EPM2A: variants seen among roughly 807,000 people sequenced by gnomAD.
The protein encoded by EPM2A is laforin.
Under a neutral mutation model 26.5 loss-of-function variants are expected in EPM2A, and 21 were observed. That is an observed-to-expected ratio of 0.79 (90% CI 0.56 to 1.14). EPM2A has a LOEUF of 1.14. EPM2A is among the 50% of genes most tolerant of loss of function. The probability of loss-of-function intolerance (pLI) is 0.00; values close to 1 mark genes in which losing one functional copy is unlikely to be tolerated. For synonymous variants in EPM2A, 217 were observed against 177.6 expected, an observed-to-expected ratio of 1.22 and a Z score of -1.76; for missense variants, 458 against 440.8, an observed-to-expected ratio of 1.04 and a Z score of -0.35.
At chr6:145,407,515 G>T (rs1437827485) in intron 4 of EPM2A, among the ~76,000 whole-genome samples, 4 of 152,086 alleles carry the variant, frequency 2.6e-5, no homozygotes, top group African/African-American at 9.7e-5. Context: ...TGCAAGTTCT[G>T]CACACCTATG....
chr6:145,650,035 A>T (rs1777764612), intron 2 of EPM2A, among the ~76,000 whole-genome samples: 1 of 152,138 alleles, frequency 6.6e-6, no homozygotes, highest in Non-Finnish European at 1.5e-5. Flanking sequence ...ACAAAGAGCA[A>T]GTATCTATGG....
chr6:145,635,692 T>C, intron 2 of EPM2A: 1 of 561,568 alleles, frequency 1.8e-6, no homozygotes, highest in Non-Finnish European at 3.2e-6. Context: ...GTATTTCAAT[T>C]AACTAGAACG....
chr6:145,638,028 A>G (rs904790089), intron 2 of EPM2A: 2 of 152,236 alleles, frequency 1.3e-5, no homozygotes, highest in African/African-American at 4.8e-5. Context: ...AGAAACTATT[A>G]TAAGACAGTA....
At chr6:145,429,733 A>C (rs544869873) in intron 4 of EPM2A, among the ~76,000 whole-genome samples, 207 of 152,290 alleles carry the variant, frequency 1.4e-3, no homozygotes, top group African/African-American at 4.7e-3. Context: ...ACTTTTTTTA[A>C]AATTAGGAGA....
chr6:145,416,618 T>C (rs1399057831), intron 4 of EPM2A, among the ~76,000 whole-genome samples: 1 of 152,182 alleles, frequency 6.6e-6, no homozygotes, highest in Non-Finnish European at 1.5e-5. Context: ...GTTGCCTCTA[T>C]AGGAACAGTT....
chr6:145,494,427 A>G (rs1319324113), intron 4 of EPM2A, among the ~76,000 whole-genome samples: 2 of 151,916 alleles, frequency 1.3e-5, no homozygotes, highest in East Asian at 1.9e-4. Context: ...TTTTTTCTCA[A>G]AGAATAAGCT....
chr6:145,716,866 A>G (rs1402128799), intron 1 of EPM2A, among the ~76,000 whole-genome samples: 2 of 152,176 alleles, frequency 1.3e-5, no homozygotes, highest in Non-Finnish European at 2.9e-5. Context: ...TTCAGATCAG[A>G]TTTTTAAAAA....
At chr6:145,499,423 T>C (rs1259814800), downstream of EPM2A, among the ~76,000 whole-genome samples, 1 of 152,256 alleles carries the variant, frequency 6.6e-6, no homozygotes, top group Non-Finnish European at 1.5e-5. Context: ...TACTTCTACA[T>C]ACTCTCATAC....
intron 2 of EPM2A, among the ~76,000 whole-genome samples, chr6:145,515,218 G>A (rs964150331): frequency 6.6e-6 from 1 of 152,146 alleles, no homozygotes; most frequent in Non-Finnish European, 1.5e-5. Flanking sequence ...TTATCATGAC[G>A]TCTCTAGAAC....
chr6:145,719,089 A>C (rs1251190107), intron 1 of EPM2A, among the ~76,000 whole-genome samples: 1 of 152,150 alleles, frequency 6.6e-6, no homozygotes, highest in East Asian at 1.9e-4. Context: ...CTAGAACTAG[A>C]AATACCATTT....
intron 1 of EPM2A, among the ~76,000 whole-genome samples, chr6:145,692,594 T>C (rs1291001901): frequency 6.6e-6 from 1 of 152,134 alleles, no homozygotes; most frequent in Non-Finnish European, 1.5e-5. Context: ...TTAATTTTTG[T>C]ATATGGTATA....
intron 4 of EPM2A, among the ~76,000 whole-genome samples, chr6:145,410,618 G>A (rs1778630939): frequency 1.3e-5 from 2 of 152,222 alleles, no homozygotes; most frequent in Admixed American, 6.5e-5. Context: ...ACAAGGGCTA[G>A]TTATGGACAA....
chr6:145,735,097 G>T, intron 1 of EPM2A, 101 bp downstream of exon 1: 1 of 787,804 alleles, frequency 1.3e-6, no homozygotes, highest in Non-Finnish European at 1.8e-6. Context: ...CGGGACGCGC[G>T]CCGCCGGGGC....
At chr6:145,617,934 T>C (rs913547001) in intron 2 of EPM2A, among the ~76,000 whole-genome samples, 3 of 152,054 alleles carry the variant, frequency 2.0e-5, no homozygotes, top group Non-Finnish European at 4.4e-5. Context: ...CAAAGCAAGA[T>C]CCTGTCTCAA....
intron 2 of EPM2A, among the ~76,000 whole-genome samples, chr6:145,511,598 T>C (rs1163473255): frequency 6.6e-6 from 1 of 152,166 alleles, no homozygotes; most frequent in Non-Finnish European, 1.5e-5. Context: ...AGACGGAATG[T>C]ATCTCAAAAT....
chr6:145,581,340 G>A (rs1313802359), intron 2 of EPM2A, among the ~76,000 whole-genome samples: 1 of 151,916 alleles, frequency 6.6e-6, no homozygotes. Context: ...TGTTTTTAAT[G>A]GGGTTGTCTT....
Position 145,405,547 on chromosome 6 carries a change from G to C in EPM2A, c.556-21450C>G, listed in dbSNP as rs958613019. Among the ~76,000 whole-genome samples the C allele has an allele frequency of 2.0e-5, 3 of 152,180 alleles. No homozygotes were observed. In the South Asian group the frequency reaches 6.2e-4, roughly 32 times the overall value. ...GATAAAGCACTGTACCATGTAGACT[G>C]TTCTTTCTAAATAAGTTTTAAACTC... On this transcript the variant is annotated intron_variant, in intron 4 of 4. Coordinates refer to the EPM2A transcript ENST00000638717.
intron 4 of EPM2A, among the ~76,000 whole-genome samples, chr6:145,416,294 T>G (rs1214105641): frequency 2.0e-5 from 3 of 152,010 alleles, no homozygotes; most frequent in African/African-American, 7.2e-5. Context: ...ACAACAATTT[T>G]CTAACGTTTG....
intron 4 of EPM2A, among the ~76,000 whole-genome samples, chr6:145,459,113 C>T (rs1779297120): frequency 6.6e-6 from 1 of 152,040 alleles, no homozygotes; most frequent in Non-Finnish European, 1.5e-5. Flanking sequence ...AAGACTATTG[C>T]AATAGAGGAG....
Sources: allele counts gnomAD v4.1 joint callset (sites outside exome capture counted in the v4.1 genomes callset), GRCh38; gene constraint gnomAD v4.1.1; transcripts MANE v1.5; gene names NCBI Gene and HGNC (gene_info 2026-07-23, HGNC 2026-07-21).